DOP1B: variants seen among roughly 807,000 people sequenced by gnomAD.
The protein encoded by DOP1B is DOP1 leucine zipper like protein B.
DOP1B carries 174 observed loss-of-function variants against 233.5 expected under a neutral mutation model. The ratio of observed to expected loss-of-function variants is 0.75; its 90% CI spans 0.66 to 0.85. The LOEUF is 0.85. Among genes scored for constraint, DOP1B ranks in the 40% least tolerant of loss-of-function variants. The pLI is 0.00. For missense variants in DOP1B, 2,652 were observed against 2,846.6 expected, an observed-to-expected ratio of 0.93 and a Z score of 1.56; for synonymous variants, 1,190 against 1,185.6, an observed-to-expected ratio of 1.00 and a Z score of -0.08.
chr21:36,240,522 C>T (rs1438322830), intron 18 of DOP1B, among the ~76,000 whole-genome samples: 1 of 152,120 alleles, frequency 6.6e-6, no homozygotes, highest in African/African-American at 2.4e-5. Flanking sequence ...ATTTGTGAAC[C>T]TTCAACTACA....
rs2067377003 is a variant in DOP1B at position 36,278,260 on chromosome 21, G to GAGTGGCTATGCCTA, written c.5875_5888dup (p.Tyr1963Ter). On this transcript the variant is annotated frameshift_variant, in exon 30 of 37. Transcript: ENST00000691173. LOFTEE classifies it high-confidence loss of function. Reference sequence around the variant, plus strand: ...CTGGCGCTCAGCTGCTGAGCTCCCTGAGTGGCTATGCCTACACAAAGCGAG... The same window carrying GAGTGGCTATGCCTA: ...CTGGCGCTCAGCTGCTGAGCTCCCTGAGTGGCTATGCCTAAGTGGCTATGCCTACACAAAGCGAG... 6.2e-7 allele frequency: 1 copy of GAGTGGCTATGCCTA among 1,613,980 alleles called. No individual in the cohort carries two copies. Among genetic ancestry groups the GAGTGGCTATGCCTA allele is most frequent in the Non-Finnish European group, 8.5e-7 (1 of 1,180,038 alleles).
chr21:36,211,460 G>A (rs571085396), intron 5 of DOP1B, 93 bp from the exon 6 acceptor site: 14 of 1,150,788 alleles, frequency 1.2e-5, no homozygotes, highest in Middle Eastern at 2.0e-4. Context: ...GTGATATAAC[G>A]CAGGAGTTTC....
chr21:36,288,903 G>A (rs1013076446), intron 34 of DOP1B, 92 bp downstream of exon 34: 7 of 1,454,310 alleles, frequency 4.8e-6, no homozygotes, highest in Admixed American at 4.1e-5. Context: ...GTTAAATGCT[G>A]TTATCTTGAA....
chr21:36,256,848 C>T (rs772178617), intron 23 of DOP1B, among the ~76,000 whole-genome samples: 1 of 152,146 alleles, frequency 6.6e-6, no homozygotes, highest in Non-Finnish European at 1.5e-5. Context: ...GCGGGGAGTT[C>T]TCCCCACCAG....
intron 2 of DOP1B, among the ~76,000 whole-genome samples, chr21:36,173,013 G>A (rs34619830): frequency 0.043 from 6,591 of 152,172 alleles, 191 homozygotes; most frequent in Non-Finnish European, 0.064. Context: ...CCAGCTACTT[G>A]GGAGGCTGAG....
chr21:36,181,290 T>G (rs2123430623), intron 2 of DOP1B, among the ~76,000 whole-genome samples: 1 of 152,194 alleles, frequency 6.6e-6, no homozygotes, highest in South Asian at 2.1e-4. Flanking sequence ...TTCTTTTTTT[T>G]TTTTTTGAGA....
chr21:36,290,548 C>T (rs984269326), intron 35 of DOP1B, among the ~76,000 whole-genome samples: 2 of 152,144 alleles, frequency 1.3e-5, no homozygotes, highest in African/African-American at 4.8e-5. Flanking sequence ...CCTGTAATCC[C>T]AGCACTTTGG....
chr21:36,275,925 T>G (rs1178199013), intron 27 of DOP1B, among the ~76,000 whole-genome samples: 1 of 152,068 alleles, frequency 6.6e-6, no homozygotes, highest in East Asian at 1.9e-4. Context: ...GCTGGGTAGT[T>G]AGGCAGTAGG....
rs1177036122 is a variant in DOP1B, at chr21:36,245,674, C to T, written c.3694C>T (p.Leu1232=). 1.2e-6 allele frequency: 2 copies of T among 1,613,788 alleles called. No homozygotes were observed. The highest frequency in any genetic ancestry group is 1.7e-6 in the Non-Finnish European group (2 of 1,180,022). Residue 1232 remains leucine (L), a synonymous_variant, in exon 19 of 37, where the codon CTG becomes TTG. Coordinates refer to ENST00000691173, the MANE Select transcript of DOP1B (RefSeq NM_001320714.2). This position sits in a 1 kb window ranked among gnomAD's most constrained non-coding sequence, Gnocchi z 5.5. The part of the protein sequence containing the change: ...EALFKHILLY[L]QPYDSRRVLY... The stretch of plus-strand genomic sequence containing the variant: ...CTTGTTCAAGCACATCCTGCTCTAC[C>T]TGCAGCCCTACGACTCTCGGCGGGT...
intron 27 of DOP1B, among the ~76,000 whole-genome samples, chr21:36,272,708 G>C (rs1569064615): frequency 6.6e-6 from 1 of 150,568 alleles, no homozygotes; most frequent in Non-Finnish European, 1.5e-5. Context: ...TCTCAGGCCG[G>C]GCGCGGTGGC....
At position 36,246,461 on chromosome 21, in the gene DOP1B, C is replaced by T. The variant is rs767241374; in HGVS notation, c.4481C>T (p.Thr1494Ile). 9.9e-6 allele frequency: 16 copies of T among 1,613,898 alleles called. No individual in the cohort carries two copies. The highest frequency in any genetic ancestry group is 1.4e-5 in the Non-Finnish European group (16 of 1,179,998). Residue 1494 changes from threonine to isoleucine, a missense_variant, in exon 19 of 37, where the codon ACC becomes ATC. Physicochemically the swap from Thr to Ile is moderately conservative, Grantham distance 89. Around this residue, in one of 3 missense-constraint regions of DOP1B, gnomAD observed 2,617 missense variants for 2,794.3 expected, o/e 0.94. Coordinates refer to ENST00000691173, the MANE Select transcript of DOP1B (RefSeq NM_001320714.2). The surrounding 1 kb of genome is among the most constrained non-coding windows in gnomAD (Gnocchi z 5.1). ...CAGTACGTGCAGCCCCACCCCCTCACCTCCCAGGGTCTTCTGGTCTCTGCG... is the reference window on the plus strand; with the variant it reads ...CAGTACGTGCAGCCCCACCCCCTCATCTCCCAGGGTCTTCTGGTCTCTGCG... ...ALQYVQPHPL[T>I]SQGLLVSAVV...
chr21:36,229,538 A>G (rs1308935817), intron 13 of DOP1B, among the ~76,000 whole-genome samples: 1 of 152,128 alleles, frequency 6.6e-6, no homozygotes, highest in Non-Finnish European at 1.5e-5. Context: ...TAATTGGATC[A>G]TCTGCAGAGA....
intron 11 of DOP1B, 116 bp from the exon 12 acceptor site, chr21:36,225,449 T>A (rs2066670933): frequency 8.6e-7 from 1 of 1,167,908 alleles, no homozygotes; most frequent in East Asian, 2.5e-5. Flanking sequence ...CAGGCTGGTC[T>A]CAGACTCCTG....
At position 36,230,871 on chromosome 21, in the gene DOP1B, T is replaced by C. The variant is rs375358385; in HGVS notation, c.2087T>C (p.Leu696Pro). ...ACTGTGCCTCAGTTCAAGCAGATGC[T>C]GTCAGACTTGTTCACAGCACGAGGG... Reference protein sequence around the residue: ...PITVPQFKQMLSDLFTARGSP... With the variant: ...PITVPQFKQMPSDLFTARGSP... Residue 696 changes from leucine (L) to proline (P), a missense_variant, in exon 14 of 37, where the codon CTG (leucine) becomes CCG (proline). By Grantham distance (98) the Leu-to-Pro change is moderately conservative. Transcript: ENST00000691173. 1.2e-6 allele frequency: 2 copies of C among 1,613,976 alleles called. No homozygotes were observed. The highest frequency in any genetic ancestry group is 1.3e-5 in the African/African-American group (1 of 74,906).
chr21:36,263,546 G>T lies in DOP1B; in HGVS notation c.5316G>T (p.Arg1772Ser), dbSNP rs959975306. 3.7e-6 allele frequency: 6 copies of T among 1,613,112 alleles called. No individual in the cohort carries two copies. Among genetic ancestry groups the T allele is most frequent in the African/African-American group, 1.3e-5 (1 of 74,952 alleles). Residue 1772 changes from arginine (R) to serine (S), a missense_variant and splice_region_variant, in exon 25 of 37, where the codon AGG becomes AGT. Around this residue, in one of 3 missense-constraint regions of DOP1B, gnomAD observed 2,617 missense variants for 2,794.3 expected, o/e 0.94. Transcript: ENST00000691173. Reference protein sequence around the residue: ...VLQFCYAFLQRLPVPALQENF... With the variant: ...VLQFCYAFLQSLPVPALQENF... ...TTTTTCCTATCTTTTAAAAAAACAG[G>T]CTCCCAGTACCAGCCTTGCAAGAGA...
At chr21:36,292,877 G>T (rs904143624) in intron 36 of DOP1B, among the ~76,000 whole-genome samples, 1 of 152,084 alleles carries the variant, frequency 6.6e-6, no homozygotes, top group Non-Finnish European at 1.5e-5. Flanking sequence ...GCCTCCCAAA[G>T]TGTTGGGATT....
chr21:36,259,633 G>A (rs1406675528), intron 23 of DOP1B, among the ~76,000 whole-genome samples: 1 of 152,142 alleles, frequency 6.6e-6, no homozygotes, highest in Non-Finnish European at 1.5e-5. Context: ...GGCGGTCTGT[G>A]CTGCTGCAGG....
In DOP1B at chr21:36,214,079, A is replaced by G. The variant is rs1284048285; in HGVS notation, c.905-2A>G. On this transcript the variant is annotated splice_acceptor_variant, in intron 7 of 36. Coordinates refer to ENST00000691173, the MANE Select transcript of DOP1B (RefSeq NM_001320714.2). LOFTEE classifies it high-confidence loss of function. Reference sequence around the variant, plus strand: ...TACAGCTCGGCGCTTGTTCTTTTGTAGGCTCAGACATAAAAGGAAATACCG... The same window carrying G: ...TACAGCTCGGCGCTTGTTCTTTTGTGGGCTCAGACATAAAAGGAAATACCG... 3 of 1,609,082 alleles carry G rather than the reference A, an allele frequency of 1.9e-6. No homozygotes were observed. Among genetic ancestry groups the G allele is most frequent in the Non-Finnish European group, 1.7e-6 (2 of 1,177,104 alleles).
Position 36,277,680 on chromosome 21 carries a change from G to T in DOP1B, c.5713-295G>T, listed in dbSNP as rs991067117. Reference sequence around the variant, plus strand: ...TTTTCTTTTTTTGAGATGGAGTCTCGCTCTGGAGTCTGCACTCAGGCTGGA... The same window carrying T: ...TTTTCTTTTTTTGAGATGGAGTCTCTCTCTGGAGTCTGCACTCAGGCTGGA... On this transcript the variant is annotated intron_variant, in intron 28 of 36. Transcript: ENST00000691173. Among the ~76,000 whole-genome samples, 6 of 149,596 alleles carry T rather than the reference G, an allele frequency of 4.0e-5. No homozygotes were observed. The East Asian group carries it at 1.2e-3, about 29-fold the overall frequency.
Sources: gnomAD v4.1 joint callset for allele counts (sites outside exome capture counted in the v4.1 genomes callset) on GRCh38, gnomAD v4.1.1 for gene constraint, gnomAD v4.1.1 regional missense constraint, Gnocchi (gnomAD v3.1) non-coding constraint, MANE v1.5 for transcripts, NCBI Gene and HGNC (gene_info 2026-07-23, HGNC 2026-07-21) for gene names.